The following SV2C variants were observed in gnomAD, a reference collection of about 807,000 sequenced individuals.
The protein encoded by SV2C is synaptic vesicle glycoprotein 2C, also known as solute carrier family 22 member B3.
A neutral mutation model predicts 79.7 loss-of-function variants in SV2C; 49 were observed. The observed-to-expected ratio is 0.61, with a 90% CI of 0.49 to 0.78. SV2C has a LOEUF of 0.78. SV2C is among the 30% of genes least tolerant of loss of function. The pLI is 0.00. For missense variants in SV2C, 833 were observed against 912.9 expected, an observed-to-expected ratio of 0.91 and a Z score of 1.13; for synonymous variants, 334 against 333.2, an observed-to-expected ratio of 1.00 and a Z score of -0.03.
chr5:76,082,529 T>C (rs1371701555), upstream of SV2C: 1 of 151,308 alleles, frequency 6.6e-6, no homozygotes, highest in Non-Finnish European at 1.5e-5. Flanking sequence ...TCTCTCTCTC[T>C]TCTCTCCTCT....
chr5:75,913,755 C>T, the SV2C span, among the ~76,000 whole-genome samples: 1 of 152,126 alleles, frequency 6.6e-6, no homozygotes, highest in Non-Finnish European at 1.5e-5. Context: ...ATGGAGCTGT[C>T]AAAATGCAGC....
the SV2C span, among the ~76,000 whole-genome samples, chr5:76,066,282 G>C: frequency 5.9e-5 from 9 of 151,990 alleles, no homozygotes; most frequent in Non-Finnish European, 1.3e-4. Context: ...AAAAGGATGA[G>C]CTTATGTCCT....
chr5:76,316,036 G>C (rs184888023), intron 12 of SV2C, among the ~76,000 whole-genome samples: 19 of 152,216 alleles, frequency 1.2e-4, no homozygotes, highest in Admixed American at 1.1e-3. Context: ...TTAGCCAATG[G>C]CATGGTTACA....
the SV2C span, among the ~76,000 whole-genome samples, chr5:75,934,746 T>C: frequency 1.3e-5 from 2 of 152,244 alleles, no homozygotes; most frequent in South Asian, 4.1e-4. Context: ...TGTCCTATGG[T>C]GGTGTGTGGG....
intron 3 of SV2C, among the ~76,000 whole-genome samples, chr5:76,207,248 A>G (rs983755472): frequency 6.6e-6 from 1 of 152,168 alleles, no homozygotes; most frequent in Non-Finnish European, 1.5e-5. Context: ...ATCCTGACAT[A>G]CAATAGTGCC....
chr5:76,347,068 G>A (rs1309175942), intron 12 of SV2C, among the ~76,000 whole-genome samples: 11 of 152,184 alleles, frequency 7.2e-5, no homozygotes. Flanking sequence ...AAAAAAGAGG[G>A]GGGAAAAACA....
chr5:76,216,204 A>AT (rs1435581480), intron 4 of SV2C, among the ~76,000 whole-genome samples: 2 of 152,138 alleles, frequency 1.3e-5, no homozygotes, highest in Non-Finnish European at 2.9e-5. Flanking sequence ...CTTTCTCTTC[A>AT]TATCACTGCT....
the SV2C span, among the ~76,000 whole-genome samples, chr5:75,867,546 G>A: frequency 6.6e-6 from 1 of 152,244 alleles, no homozygotes; most frequent in Middle Eastern, 3.4e-3. Context: ...TGATTAAATG[G>A]TCTGCCATTA....
Position 76,277,678 on chromosome 5 carries a change from A to G in SV2C, c.914-7484A>G, listed in dbSNP as rs188031229. 5.3e-5 allele frequency among the ~76,000 whole-genome samples: 8 copies of G among 152,130 alleles called. No homozygotes were observed. The East Asian group carries it at 1.5e-3, about 29-fold the overall frequency. ...CCATTTGGGAGGCTGAGGCAGGAGA[A>G]TCACTTGGGAAGCCAAGGCTGCAGT... is the stretch of plus-strand genomic sequence containing the variant. On this transcript the variant is annotated intron_variant, in intron 4 of 12. Transcript: ENST00000502798.
the SV2C span, among the ~76,000 whole-genome samples, chr5:75,946,257 A>G: frequency 2.0e-5 from 3 of 152,236 alleles, no homozygotes; most frequent in East Asian, 1.9e-4. Context: ...AGTGTGATGT[A>G]TATGTAAGAA....
At chr5:76,094,955 C>T (rs1287100337) in intron 1 of SV2C, among the ~76,000 whole-genome samples, 1 of 151,776 alleles carries the variant, frequency 6.6e-6, no homozygotes, top group South Asian at 2.1e-4. Context: ...TAATAAAGTC[C>T]AATTTTTCTC....
At chr5:75,855,546 G>C in the SV2C span, among the ~76,000 whole-genome samples, 1 of 151,918 alleles carries the variant, frequency 6.6e-6, no homozygotes, top group East Asian at 1.9e-4. Context: ...AACAGCATGT[G>C]CTCACTTAGT....
At chr5:75,874,881 T>C in the SV2C span, among the ~76,000 whole-genome samples, 1 of 151,988 alleles carries the variant, frequency 6.6e-6, no homozygotes, top group Admixed American at 6.6e-5. Context: ...ATGGGAATTA[T>C]AAAATGCTGC....
the SV2C span, among the ~76,000 whole-genome samples, chr5:75,955,845 G>A: frequency 6.6e-6 from 1 of 151,918 alleles, no homozygotes; most frequent in Non-Finnish European, 1.5e-5. Flanking sequence ...ACCACAATGA[G>A]ATACCATCTC....
intron 2 of SV2C, among the ~76,000 whole-genome samples, chr5:76,134,837 C>G (rs1749014977): frequency 6.6e-6 from 1 of 152,098 alleles, no homozygotes; most frequent in South Asian, 2.1e-4. Context: ...TCTCTATTGC[C>G]AAAGTCTATT....
At chr5:75,954,643 C>A in the SV2C span, among the ~76,000 whole-genome samples, 1 of 150,060 alleles carries the variant, frequency 6.7e-6, no homozygotes, top group South Asian at 2.1e-4. Context: ...ATCTAGAAAA[C>A]CCCATTGTCT....
At chr5:76,134,992 G>C (rs1749021147) in intron 2 of SV2C, among the ~76,000 whole-genome samples, 1 of 152,182 alleles carries the variant, frequency 6.6e-6, no homozygotes, top group Admixed American at 6.5e-5. Context: ...TAGATACCAA[G>C]TGTCAGTAGC....
At chr5:76,294,605 G>C (rs952894981) in intron 8 of SV2C, among the ~76,000 whole-genome samples, 5 of 152,228 alleles carry the variant, frequency 3.3e-5, no homozygotes, top group Middle Eastern at 3.4e-3. Flanking sequence ...TTCAACATAT[G>C]ATCAGTATAA....
At chr5:75,924,267 AG>A in the SV2C span, among the ~76,000 whole-genome samples, 1 of 152,134 alleles carries the variant, frequency 6.6e-6, no homozygotes, top group South Asian at 2.1e-4. Context: ...GAAGTTTGGG[AG>A]GGGGATGAGG....
Sources: allele counts gnomAD v4.1 joint callset (sites outside exome capture counted in the v4.1 genomes callset), GRCh38; gene constraint gnomAD v4.1.1; transcripts MANE v1.5; gene names NCBI Gene and HGNC (gene_info 2026-07-23, HGNC 2026-07-21).